The following ANKRD36 variants were observed in gnomAD, a reference collection of about 807,000 sequenced individuals.
ANKRD36 encodes the protein ankyrin repeat domain 36, also known as ankyrin repeat domain-containing protein 36A.
Under a neutral mutation model 278.1 loss-of-function variants are expected in ANKRD36, and 179 were observed. The ratio of observed to expected loss-of-function variants is 0.64; its 90% CI spans 0.57 to 0.73. The LOEUF is 0.73. Among genes scored for constraint, ANKRD36 ranks in the 30% least tolerant of loss-of-function variants. The pLI, the probability that ANKRD36 is intolerant of heterozygous loss-of-function variation, is 0.00. For synonymous variants in ANKRD36, 320 were observed against 641.1 expected, an observed-to-expected ratio of 0.50 and a Z score of 7.57; for missense variants, 1,159 against 1,956.7, an observed-to-expected ratio of 0.59 and a Z score of 7.69.
At chr2:97,196,851 A>T in intron 42 of ANKRD36, 63 bp downstream of exon 42, 1 of 1,538,524 alleles carries the variant, frequency 6.5e-7, no homozygotes. Flanking sequence ...TCTCTTCCCC[A>T]AATAAATCAG....
chr2:97,231,035 G>A (rs1288627281), intron 67 of ANKRD36, among the ~76,000 whole-genome samples: 1 of 152,102 alleles, frequency 6.6e-6, no homozygotes, highest in Non-Finnish European at 1.5e-5. Flanking sequence ...TGTGTGAGGT[G>A]TCAGTCTGCC....
chr2:97,227,637 C>G (rs2070332921), intron 67 of ANKRD36, among the ~76,000 whole-genome samples: 2 of 152,224 alleles, frequency 1.3e-5, no homozygotes, highest in South Asian at 4.2e-4. Flanking sequence ...TGCCTAATGG[C>G]CCTAACCAGA....
intron 22 of ANKRD36, among the ~76,000 whole-genome samples, chr2:97,168,073 T>C (rs1490652750): frequency 5.0e-3 from 716 of 142,688 alleles, no homozygotes; most frequent in African/African-American, 0.021. Context: ...TAAATATTTT[T>C]CAGTGCTTCA....
intron 50 of ANKRD36, among the ~76,000 whole-genome samples, chr2:97,204,563 C>T (rs937193459): frequency 2.0e-5 from 3 of 151,248 alleles, no homozygotes; most frequent in African/African-American, 7.3e-5. Flanking sequence ...AGCTTGTTTT[C>T]AGTAGGGGTG....
intron 50 of ANKRD36, among the ~76,000 whole-genome samples, chr2:97,205,600 C>T (rs1346340992): frequency 6.6e-6 from 1 of 151,532 alleles, no homozygotes; most frequent in Non-Finnish European, 1.5e-5. Context: ...CCTGCTTTGA[C>T]ATTGATTCTC....
chr2:97,193,886 C>T (rs2059088944), intron 38 of ANKRD36, among the ~76,000 whole-genome samples: 1 of 151,612 alleles, frequency 6.6e-6, no homozygotes, highest in African/African-American at 2.4e-5. Context: ...CTATTTTAGA[C>T]ACAAGAATGA....
At chr2:97,175,082 ATTC>A (rs1210566804) in intron 22 of ANKRD36, among the ~76,000 whole-genome samples, 1 of 146,806 alleles carries the variant, frequency 6.8e-6, no homozygotes, top group East Asian at 2.0e-4. Flanking sequence ...TTGGTCTAAA[ATTC>A]TCTTTTTTTG....
intron 6 of ANKRD36, among the ~76,000 whole-genome samples, chr2:97,130,388 T>A (rs535360561): frequency 8.5e-4 from 117 of 138,390 alleles, no homozygotes; most frequent in Admixed American, 1.8e-3. Flanking sequence ...TAGGTGGGAA[T>A]TGAACAATGA....
chr2:97,194,030 A>T (rs1411604200), intron 38 of ANKRD36, among the ~76,000 whole-genome samples: 1 of 151,654 alleles, frequency 6.6e-6, no homozygotes, highest in East Asian at 2.0e-4. Context: ...ATAATTGATG[A>T]TATTTTTATT....
At chr2:97,224,344 T>TA (rs1363821354) in intron 66 of ANKRD36, among the ~76,000 whole-genome samples, 1 of 151,836 alleles carries the variant, frequency 6.6e-6, no homozygotes, top group Non-Finnish European at 1.5e-5. Flanking sequence ...TTTGGAGGAT[T>TA]AAAAGCCTTT....
intron 68 of ANKRD36, among the ~76,000 whole-genome samples, chr2:97,235,142 A>G (rs1199746170): frequency 2.0e-5 from 3 of 151,394 alleles, no homozygotes; most frequent in Non-Finnish European, 4.4e-5. Flanking sequence ...ATAGATTTGG[A>G]TCTTCCATTT....
At chr2:97,173,438 A>G (rs1398880439) in intron 22 of ANKRD36, among the ~76,000 whole-genome samples, 4 of 151,792 alleles carry the variant, frequency 2.6e-5, no homozygotes, top group Non-Finnish European at 5.9e-5. Flanking sequence ...TGTCTATGGG[A>G]GAGAGGAGGC....
intron 22 of ANKRD36, among the ~76,000 whole-genome samples, chr2:97,177,827 G>A (rs568402233): frequency 2.6e-4 from 39 of 152,008 alleles, no homozygotes; most frequent in African/African-American, 8.9e-4. Flanking sequence ...ATTGACAGAT[G>A]GGATCTAATT....
At chr2:97,124,620 T>C in intron 5 of ANKRD36, 23 bp downstream of exon 5, 1 of 1,537,978 alleles carries the variant, frequency 6.5e-7, no homozygotes, top group Non-Finnish European at 8.8e-7. Flanking sequence ...ATAAAAAGGC[T>C]AGTGAACACT....
chr2:97,178,573 C>G lies in ANKRD36; in HGVS notation c.1634-1165C>G, dbSNP rs935997693. Among the ~76,000 whole-genome samples, 109 of 150,274 alleles carry G rather than the reference C, an allele frequency of 7.3e-4. 2 individuals carry two copies. The highest frequency in any genetic ancestry group is 2.5e-3 in the African/African-American group (103 of 41,032). ...AATCATCATTCTCAGTAAACTATCG[C>G]AAAAACAAAAAACCAAACACCGCAT... On this transcript the variant is annotated intron_variant, in intron 22 of 75. Coordinates refer to ENST00000420699, the MANE Select transcript of ANKRD36 (RefSeq NM_001354587.1).
chr2:97,204,128 G>T (rs1167478524), intron 49 of ANKRD36, 32 bp downstream of exon 49: 1 of 1,573,716 alleles, frequency 6.4e-7, no homozygotes, highest in East Asian at 2.4e-5. Flanking sequence ...TTGTGAACTA[G>T]TAAATGTATA....
chr2:97,172,067 C>A (rs993981003), intron 22 of ANKRD36, among the ~76,000 whole-genome samples: 1 of 151,930 alleles, frequency 6.6e-6, no homozygotes, highest in East Asian at 1.9e-4. Flanking sequence ...TGAGCTGTTA[C>A]GGTTTTGGGT....
chr2:97,233,091 T>C (rs1178311277), intron 67 of ANKRD36, among the ~76,000 whole-genome samples: 1 of 151,742 alleles, frequency 6.6e-6, no homozygotes, highest in East Asian at 2.0e-4. Flanking sequence ...GAAGCCGTTA[T>C]GTGACAACTG....
Position 97,200,340 on chromosome 2 carries a change from C to T in ANKRD36, c.2762C>T (p.Ser921Phe), listed in dbSNP as rs2060997196. 2.5e-6 allele frequency: 4 copies of T among 1,607,002 alleles called. No individual in the cohort carries two copies. The East Asian group carries it at 8.9e-5, about 36-fold the overall frequency. Residue 921 changes from serine (S) to phenylalanine (F), a missense_variant, in exon 45 of 76, where the codon TCT becomes TTT. Ser to Phe is a radical substitution (Grantham distance 155). Coordinates refer to ENST00000420699, the MANE Select transcript of ANKRD36 (RefSeq NM_001354587.1). ...TATCCCTTTTGCTTTTCAGTGTCTT[C>T]TCGGAAAAAACCATCCTTGGAGGTA... ...KDGEKTKRVS[S>F]RKKPSLEATS...
Sources: gnomAD v4.1 joint callset for allele counts (sites outside exome capture counted in the v4.1 genomes callset) on GRCh38, gnomAD v4.1.1 for gene constraint, MANE v1.5 for transcripts, NCBI Gene and HGNC (gene_info 2026-07-23, HGNC 2026-07-21) for gene names.